Variants in KLHL7 observed in about 807,000 individuals in gnomAD.
KLHL7 encodes the protein kelch like family member 7.
A neutral mutation model predicts 67.4 loss-of-function variants in KLHL7; 44 were observed. The observed-to-expected ratio is 0.65, with a 90% CI of 0.51 to 0.84. KLHL7 has a LOEUF of 0.84. Ranked by LOEUF, KLHL7 falls within the 40% of genes least tolerant of loss-of-function variation. The pLI, the probability that KLHL7 is intolerant of heterozygous loss-of-function variation, is 0.00. For synonymous variants in KLHL7, 252 were observed against 243.3 expected (o/e 1.04, Z -0.33); for missense variants, 362 against 718.1 (o/e 0.50, Z 5.67).
intron 9 of KLHL7, among the ~76,000 whole-genome samples, chr7:23,170,870 G>A (rs1309528641): frequency 6.6e-6 from 1 of 151,176 alleles, no homozygotes; most frequent in Non-Finnish European, 1.5e-5. Context: ...TGGAAACAAT[G>A]TGACACAGTT....
intron 4 of KLHL7, among the ~76,000 whole-genome samples, chr7:23,133,089 C>T (rs1186596034): frequency 6.6e-6 from 1 of 152,058 alleles, no homozygotes; most frequent in African/African-American, 2.4e-5. Context: ...TCTCCAGTTT[C>T]ATTCTTTTTG....
At chr7:23,163,219 G>A (rs1388496246) in intron 7 of KLHL7, among the ~76,000 whole-genome samples, 2 of 152,044 alleles carry the variant, frequency 1.3e-5, no homozygotes, top group African/African-American at 4.8e-5. Context: ...TGCTCAGGCT[G>A]GAGTGCGGTG....
chr7:23,128,802 T>G (rs1783684355), intron 4 of KLHL7, among the ~76,000 whole-genome samples: 1 of 152,158 alleles, frequency 6.6e-6, no homozygotes, highest in South Asian at 2.1e-4. Context: ...CCCTATAAAT[T>G]TGCCTATTCT....
chr7:23,154,248 G>A (rs549614807), intron 7 of KLHL7, among the ~76,000 whole-genome samples: 9 of 152,240 alleles, frequency 5.9e-5, no homozygotes, highest in Admixed American at 4.6e-4. Flanking sequence ...TCAGCTACTC[G>A]GGAGGCTGAG....
At chr7:23,157,691 C>A (rs934017863) in intron 7 of KLHL7, among the ~76,000 whole-genome samples, 2 of 152,148 alleles carry the variant, frequency 1.3e-5, no homozygotes, top group Non-Finnish European at 2.9e-5. Context: ...CCCTTCCACC[C>A]CACCTTGGTA....
At chr7:23,155,527 C>A (rs1014757245) in intron 7 of KLHL7, among the ~76,000 whole-genome samples, 8 of 151,656 alleles carry the variant, frequency 5.3e-5, no homozygotes, top group African/African-American at 1.9e-4. Context: ...AGCCAGGCGT[C>A]GTGGCAGGCG....
intron 1 of KLHL7, among the ~76,000 whole-genome samples, chr7:23,111,490 A>G (rs1338250581): frequency 6.6e-6 from 1 of 152,174 alleles, no homozygotes; most frequent in Non-Finnish European, 1.5e-5. Flanking sequence ...GTGCATGTGC[A>G]TGCATGTTTG....
chr7:23,171,937 C>G (rs1450625322), intron 9 of KLHL7, among the ~76,000 whole-genome samples: 2 of 152,338 alleles, frequency 1.3e-5, no homozygotes, highest in East Asian at 3.9e-4. Context: ...TCTCGATCGC[C>G]TGACCTCATG....
chr7:23,127,697 C>T (rs993211763), intron 4 of KLHL7, among the ~76,000 whole-genome samples: 3 of 151,870 alleles, frequency 2.0e-5, no homozygotes. Context: ...TGAAACCCCT[C>T]TCTACCAAAA....
At position 23,152,080 on chromosome 7, in the gene KLHL7, C is replaced by T. The variant is rs1784553913; in HGVS notation, c.807C>T (p.Tyr269=). ...CLKMVISGMR[Y]HLLSPEDREE... ...ATTTTACTACAGGTGGAATGAGGTA[C>T]CATCTACTGTCTCCAGAGGACCGAG... The change falls in exon 7 of 11, where the codon TAC becomes TAT. Residue 269 remains tyrosine, a synonymous_variant. Coordinates refer to ENST00000339077, the MANE Select transcript of KLHL7 (RefSeq NM_001031710.3). The T allele has an allele frequency of 1.2e-6, 2 of 1,613,836 alleles. No individual in the cohort carries two copies. Among genetic ancestry groups the T allele is most frequent in the Non-Finnish European group, 1.7e-6 (2 of 1,179,786 alleles).
intron 4 of KLHL7, among the ~76,000 whole-genome samples, chr7:23,130,299 G>T (rs1783752066): frequency 6.6e-6 from 1 of 152,164 alleles, no homozygotes; most frequent in African/African-American, 2.4e-5. Context: ...TTCTAGCCCT[G>T]TGGAACATGG....
chr7:23,174,367 T>C lies in KLHL7; in HGVS notation c.*69T>C. On this transcript the variant is annotated 3_prime_UTR_variant, in exon 11 of 11. Transcript: ENST00000339077. ...CCACCAGTGCTTTGTTCCAGGAGTT[T>C]GGTGACAAAGTTTTGGTTTGGTGTT... The C allele has an allele frequency of 1.3e-6, 2 of 1,560,680 alleles. No homozygotes were observed. The highest frequency in any genetic ancestry group is 1.8e-6 in the Non-Finnish European group (2 of 1,133,290).
chr7:23,140,563 CA>C (rs530236484), intron 4 of KLHL7: 10 of 596,142 alleles, frequency 1.7e-5, no homozygotes, highest in African/African-American at 5.4e-5. Context: ...TCTCAAAAAA[CA>C]AAAAAACAAA....
chr7:23,138,882 A>G (rs1486211735), intron 4 of KLHL7, among the ~76,000 whole-genome samples: 2 of 152,116 alleles, frequency 1.3e-5, no homozygotes, highest in Non-Finnish European at 1.5e-5. Flanking sequence ...GGTTAATTCT[A>G]TCAACCTTTC....
At chr7:23,107,322 C>A (rs1782685100) in intron 1 of KLHL7, among the ~76,000 whole-genome samples, 1 of 152,142 alleles carries the variant, frequency 6.6e-6, no homozygotes, top group South Asian at 2.1e-4. Context: ...TCATGTAAAC[C>A]TTTTTGTATC....
At chr7:23,111,668 A>C (rs536329627) in intron 1 of KLHL7, among the ~76,000 whole-genome samples, 2 of 152,068 alleles carry the variant, frequency 1.3e-5, no homozygotes, top group African/African-American at 4.8e-5. Context: ...TAAAAATACA[A>C]AAAATTAGCC....
chr7:23,129,964 GTA>G (rs1306538250), intron 4 of KLHL7: 6 of 151,564 alleles, frequency 4.0e-5, no homozygotes, highest in African/African-American at 1.4e-4. Flanking sequence ...ATGTATGCAT[GTA>G]TAAGTTCTTT....
Position 23,125,162 on chromosome 7 carries a change from A to C in KLHL7, c.432A>C (p.Ser144=). Residue 144 remains serine (S), a synonymous_variant, in exon 4 of 11, where the codon TCA becomes TCC. Transcript: ENST00000339077. ...TTTTGAAAGAACAAGTTGATGCTTC[A>C]AATTGTCTTGGTAAGAAATATCAGA... ...VDFLKEQVDA[S]NCLGISVLAE... 6.2e-7 allele frequency: 1 copy of C among 1,613,372 alleles called. No homozygotes were observed. The highest frequency in any genetic ancestry group is 8.5e-7 in the Non-Finnish European group (1 of 1,179,490).
chr7:23,119,727 AT>A (rs1001470996), intron 1 of KLHL7, among the ~76,000 whole-genome samples: 3 of 151,150 alleles, frequency 2.0e-5, no homozygotes, highest in African/African-American at 4.9e-5. Flanking sequence ...GATCCCTCAC[AT>A]TTTTTTTGTT....
Sources: gnomAD v4.1 joint callset for allele counts (sites outside exome capture counted in the v4.1 genomes callset) on GRCh38, gnomAD v4.1.1 for gene constraint, MANE v1.5 for transcripts, NCBI Gene and HGNC (gene_info 2026-07-23, HGNC 2026-07-21) for gene names.